Variants in MCUB observed in about 807,000 individuals in gnomAD.
MCUB encodes the protein calcium uniporter regulatory subunit MCUb, mitochondrial.
Under a neutral mutation model 41.4 loss-of-function variants are expected in MCUB, and 46 were observed. That is an observed-to-expected ratio of 1.11 (90% confidence interval 0.88 to 1.42). The LOEUF is 1.42. Among genes scored for constraint, MCUB ranks in the 40% most tolerant of loss-of-function variants. The pLI is 0.00. For synonymous variants in MCUB, 148 were observed against 148.2 expected (o/e 1.00, Z 0.01); for missense variants, 403 against 404.9 (o/e 1.00, Z 0.04).
At chr4:109,678,353 T>A (rs1206103903) in intron 4 of MCUB, among the ~76,000 whole-genome samples, 1 of 152,024 alleles carries the variant, frequency 6.6e-6, no homozygotes, top group Non-Finnish European at 1.5e-5. Flanking sequence ...TGGGTACACC[T>A]CCCAGGTGGG....
intron 1 of MCUB, among the ~76,000 whole-genome samples, chr4:109,629,918 G>T (rs1728437521): frequency 6.6e-6 from 1 of 152,206 alleles, no homozygotes; most frequent in South Asian, 2.1e-4. Context: ...ACTTCCTGGA[G>T]ATTGGGCAGT....
Position 109,603,744 on chromosome 4 carries a change from C to A in MCUB, c.99+43308C>A, listed in dbSNP as rs197208. ...CTGAGAAGTGAGGAGCCCCTCCGCC[C>A]GGCAGCTGCCCCGTCTGGGAGGTGG... On this transcript the variant is annotated intron_variant, in intron 1 of 7. Coordinates refer to ENST00000394650, the MANE Select transcript of MCUB (RefSeq NM_017918.5). Among the ~76,000 whole-genome samples, 607 of 150,462 alleles carry A rather than the reference C, an allele frequency of 4.0e-3. 3 individuals carry two copies. Among genetic ancestry groups the A allele is most frequent in the East Asian group, 0.032 (160 of 5,024 alleles).
chr4:109,642,768 C>G (rs780043271), intron 1 of MCUB, among the ~76,000 whole-genome samples: 7 of 151,982 alleles, frequency 4.6e-5, no homozygotes, highest in Non-Finnish European at 1.0e-4. Context: ...GCTGCTATTT[C>G]TACTTTAAAG....
chr4:109,621,192 C>T (rs1241134389), intron 1 of MCUB, among the ~76,000 whole-genome samples: 1 of 152,168 alleles, frequency 6.6e-6, no homozygotes, highest in Admixed American at 6.5e-5. Flanking sequence ...AGCCACTGCA[C>T]CCAGCCCCCT....
chr4:109,573,843 G>A (rs1439121859), intron 1 of MCUB, among the ~76,000 whole-genome samples: 4 of 148,974 alleles, frequency 2.7e-5, no homozygotes, highest in Non-Finnish European at 4.5e-5. Context: ...GAGAGTTCTT[G>A]TAGGAGATGA....
At chr4:109,675,126 C>G (rs1328650380) in intron 4 of MCUB, among the ~76,000 whole-genome samples, 1 of 152,220 alleles carries the variant, frequency 6.6e-6, no homozygotes, top group Admixed American at 6.5e-5. Context: ...GAATAATTCT[C>G]TCTCATTTTT....
intron 1 of MCUB, among the ~76,000 whole-genome samples, chr4:109,658,706 C>T (rs1432325617): frequency 6.6e-6 from 1 of 152,102 alleles, no homozygotes; most frequent in African/African-American, 2.4e-5. Flanking sequence ...TAGATTATTA[C>T]CTGAAAGGAA....
At chr4:109,631,134 TA>T (rs1191708149) in intron 1 of MCUB, among the ~76,000 whole-genome samples, 1 of 152,230 alleles carries the variant, frequency 6.6e-6, no homozygotes, top group Non-Finnish European at 1.5e-5. Flanking sequence ...CCATAGAGGA[TA>T]ATCTTTCAGA....
chr4:109,621,106 G>C (rs1175739472), intron 1 of MCUB, among the ~76,000 whole-genome samples: 2 of 151,980 alleles, frequency 1.3e-5, no homozygotes, highest in African/African-American at 4.8e-5. Context: ...TCACCATGTA[G>C]GTCAGGCTGG....
At chr4:109,586,138 CTTTG>C (rs887965932) in intron 1 of MCUB, among the ~76,000 whole-genome samples, 8 of 152,148 alleles carry the variant, frequency 5.3e-5, no homozygotes, top group Non-Finnish European at 7.3e-5. Flanking sequence ...TTCTTGGAGG[CTTTG>C]TTTATTTCTT....
At chr4:109,586,118 A>G (rs1309895017) in intron 1 of MCUB, among the ~76,000 whole-genome samples, 2 of 152,184 alleles carry the variant, frequency 1.3e-5, no homozygotes, top group Non-Finnish European at 2.9e-5. Flanking sequence ...CTTTTACCAT[A>G]GTCCCATATT....
chr4:109,653,424 G>A (rs1055213375), intron 1 of MCUB, among the ~76,000 whole-genome samples: 2 of 151,768 alleles, frequency 1.3e-5, no homozygotes, highest in South Asian at 4.1e-4. Context: ...TTCCAGAATA[G>A]TTTTACCATT....
chr4:109,665,318 T>A (rs1729318495), intron 4 of MCUB, among the ~76,000 whole-genome samples: 1 of 152,228 alleles, frequency 6.6e-6, no homozygotes, highest in African/African-American at 2.4e-5. Context: ...TTTATTTAGA[T>A]GTTTAATGAT....
chr4:109,578,726 C>T (rs780774640), intron 1 of MCUB, among the ~76,000 whole-genome samples: 8 of 152,076 alleles, frequency 5.3e-5, no homozygotes, highest in African/African-American at 7.2e-5. Context: ...ACGCTGGTCT[C>T]GAACTCCTGG....
At chr4:109,604,272 A>G in intron 1 of MCUB, among the ~76,000 whole-genome samples, 1 of 135,306 alleles carries the variant, frequency 7.4e-6, no homozygotes, top group East Asian at 2.1e-4. Flanking sequence ...ACCTCTGCCT[A>G]GGAAAACCAG....
intron 1 of MCUB, among the ~76,000 whole-genome samples, chr4:109,617,558 A>T (rs1728158718): frequency 6.6e-6 from 1 of 152,230 alleles, no homozygotes; most frequent in African/African-American, 2.4e-5. Flanking sequence ...CAATTGCAAT[A>T]ACATTATGTA....
At chr4:109,612,701 G>A (rs1728038977) in intron 1 of MCUB, among the ~76,000 whole-genome samples, 1 of 152,172 alleles carries the variant, frequency 6.6e-6, no homozygotes, top group South Asian at 2.1e-4. Flanking sequence ...ATAAATGGGG[G>A]AGAGGGGGAC....
intron 1 of MCUB, among the ~76,000 whole-genome samples, chr4:109,580,768 G>T (rs546156581): frequency 1.1e-3 from 164 of 152,102 alleles, no homozygotes; most frequent in Non-Finnish European, 2.0e-3. Flanking sequence ...TGTAGATTCT[G>T]GATATTAGCC....
chr4:109,661,947 C>T (rs201158972), intron 3 of MCUB, among the ~76,000 whole-genome samples: 4 of 152,214 alleles, frequency 2.6e-5, no homozygotes, highest in African/African-American at 4.8e-5. Flanking sequence ...GCAGGAGAAT[C>T]GCTTGAACAT....
Sources: gnomAD v4.1 joint callset for allele counts (sites outside exome capture counted in the v4.1 genomes callset) on GRCh38, gnomAD v4.1.1 for gene constraint, MANE v1.5 for transcripts, NCBI Gene and HGNC (gene_info 2026-07-23, HGNC 2026-07-21) for gene names.